Variants in CFAP100 observed in about 807,000 individuals in gnomAD.
CFAP100 encodes the protein cilia and flagella associated protein 100.
Under a neutral mutation model 81.5 loss-of-function variants are expected in CFAP100, and 70 were observed. The ratio of observed to expected loss-of-function variants is 0.86; its 90% CI spans 0.71 to 1.05. CFAP100 has a LOEUF of 1.05. Among genes scored for constraint, CFAP100 ranks in the 50% least tolerant of loss-of-function variants. The probability of loss-of-function intolerance (pLI) is 0.00; values close to 1 mark genes in which losing one functional copy is unlikely to be tolerated. For missense variants in CFAP100, 811 were observed against 776.5 expected, an observed-to-expected ratio of 1.04 and a Z score of -0.53; for synonymous variants, 341 against 314.8, an observed-to-expected ratio of 1.08 and a Z score of -0.88.
intron 2 of CFAP100, among the ~76,000 whole-genome samples, chr3:126,405,472 G>A (rs987347081): frequency 1.5e-4 from 23 of 152,122 alleles, no homozygotes; most frequent in South Asian, 4.1e-4. Flanking sequence ...AGACCAGCCC[G>A]GCCAACATAG....
chr3:126,432,955 TC>T (rs1205676767), intron 13 of CFAP100, 113 bp from the exon 14 acceptor site: 4 of 1,230,828 alleles, frequency 3.2e-6, no homozygotes, highest in Non-Finnish European at 4.4e-6. Context: ...CCATGATCCT[TC>T]AGCCCTCAGG....
intron 2 of CFAP100, among the ~76,000 whole-genome samples, chr3:126,400,363 T>C (rs779798971): frequency 1.3e-4 from 20 of 152,114 alleles, no homozygotes; most frequent in Non-Finnish European, 2.5e-4. Flanking sequence ...TATCAAAAAA[T>C]ACAAACAAAA....
At chr3:126,431,151 G>C (rs547130520) in intron 13 of CFAP100, among the ~76,000 whole-genome samples, 23 of 152,200 alleles carry the variant, frequency 1.5e-4, no homozygotes, top group African/African-American at 5.3e-4. Context: ...CTACTGCCAG[G>C]GTCCAAGGTG....
intron 4 of CFAP100, 175 bp downstream of exon 4, chr3:126,414,354 A>G: frequency 2.8e-6 from 2 of 704,860 alleles, no homozygotes; most frequent in Non-Finnish European, 5.2e-6. Flanking sequence ...CCTGGCTCTC[A>G]GGACTCACAG....
At chr3:126,397,419 G>A (rs1253746207) in intron 2 of CFAP100, among the ~76,000 whole-genome samples, 3 of 152,188 alleles carry the variant, frequency 2.0e-5, no homozygotes. Context: ...AGATGGCTTT[G>A]AAATGTTTAT....
At chr3:126,416,774 G>A in intron 5 of CFAP100, 1 of 377,664 alleles carries the variant, frequency 2.6e-6, no homozygotes, top group Non-Finnish European at 4.7e-6. Context: ...GGCTTCAGTT[G>A]CCGGAGCTGA....
At chr3:126,416,988 A>G (rs1197082195) in intron 5 of CFAP100, 2 of 152,444 alleles carry the variant, frequency 1.3e-5, no homozygotes, top group East Asian at 3.9e-4. Context: ...GGGTTCAGGC[A>G]TCCCCTGGGG....
chr3:126,395,700 C>T (rs1187675153), intron 1 of CFAP100, among the ~76,000 whole-genome samples: 1 of 152,062 alleles, frequency 6.6e-6, no homozygotes, highest in Non-Finnish European at 1.5e-5. Context: ...TATTTTTTGG[C>T]CGAGGAGGCC....
At chr3:126,411,207 G>T (rs572932830) in intron 3 of CFAP100, among the ~76,000 whole-genome samples, 20 of 152,278 alleles carry the variant, frequency 1.3e-4, no homozygotes, top group African/African-American at 4.6e-4. Flanking sequence ...TGTGTATGCT[G>T]AACCATCCCT....
intron 3 of CFAP100, among the ~76,000 whole-genome samples, chr3:126,410,006 G>A (rs2083129777): frequency 6.6e-6 from 1 of 152,164 alleles, no homozygotes; most frequent in Non-Finnish European, 1.5e-5. Context: ...TTCGAGACCA[G>A]CCTGAACAAT....
At position 126,414,132 on chromosome 3, in the gene CFAP100, G is replaced by A; in HGVS notation, c.178G>A (p.Val60Met). The change falls in exon 4 of 17, where the codon GTG becomes ATG. Residue 60 changes from valine to methionine, a missense_variant. By Grantham distance (21) the Val-to-Met change is conservative. Transcript: ENST00000352312. ...SANPFHLSGD[V>M]DFFLLRDQER... ...GAACCCTTTCCACTTATCTGGGGATGTGGATTTCTTCTTGCTCAGAGATCA... is the reference window on the plus strand; with the variant it reads ...GAACCCTTTCCACTTATCTGGGGATATGGATTTCTTCTTGCTCAGAGATCA... The A allele has an allele frequency of 6.2e-7, 1 of 1,614,186 alleles. No individual in the cohort carries two copies. Among genetic ancestry groups the A allele is most frequent in the Non-Finnish European group, 8.5e-7 (1 of 1,180,008 alleles).
intron 13 of CFAP100, among the ~76,000 whole-genome samples, chr3:126,429,704 A>G (rs1933128848): frequency 6.6e-6 from 1 of 151,530 alleles, no homozygotes. Flanking sequence ...ATTTACTTCA[A>G]TTGCATACAG....
intron 4 of CFAP100, among the ~76,000 whole-genome samples, chr3:126,415,749 A>T (rs1483900101): frequency 6.6e-6 from 1 of 151,902 alleles, no homozygotes; most frequent in East Asian, 1.9e-4. Flanking sequence ...AGCAAGAGGG[A>T]CACGGGGCGG....
intron 2 of CFAP100, among the ~76,000 whole-genome samples, chr3:126,405,590 G>A (rs1240610509): frequency 1.3e-5 from 2 of 152,162 alleles, no homozygotes; most frequent in African/African-American, 4.8e-5. Flanking sequence ...TTGAACCTGG[G>A]AGGTAGAGGT....
intron 13 of CFAP100, among the ~76,000 whole-genome samples, chr3:126,427,572 C>T (rs1003879260): frequency 6.6e-6 from 1 of 152,142 alleles, no homozygotes; most frequent in African/African-American, 2.4e-5. Flanking sequence ...TGGGTAAATA[C>T]TAGAAAGCAC....
At position 126,432,842 on chromosome 3, in the gene CFAP100, A is replaced by G. The variant is rs150974518; in HGVS notation, c.1287-227A>G. ...TTTATTGTCTGTGAATTATGCCTCA[A>G]TGAAGCTGTTTATTTTCTTTAATGT... On this transcript the variant is annotated intron_variant, in intron 13 of 16. Coordinates refer to ENST00000352312, the MANE Select transcript of CFAP100 (RefSeq NM_182628.3). The G allele has an allele frequency of 5.6e-4, 232 of 416,834 alleles. 1 individual carries two copies. The highest frequency in any genetic ancestry group is 4.2e-3 in the African/African-American group (211 of 49,946). 25.8% of individuals were successfully genotyped at this position (416,834 alleles called of 1,614,324 possible). A position where few individuals can be genotyped will look rare whatever the true frequency, so the allele number is the denominator to read the frequency against.
chr3:126,426,225 G>A (rs2083401807), intron 13 of CFAP100, among the ~76,000 whole-genome samples: 1 of 152,178 alleles, frequency 6.6e-6, no homozygotes. Context: ...CACTTTGGCA[G>A]GCCAAGGCAG....
chr3:126,399,401 T>C (rs111924259), intron 2 of CFAP100, among the ~76,000 whole-genome samples: 3 of 152,104 alleles, frequency 2.0e-5, no homozygotes, highest in African/African-American at 7.2e-5. Context: ...GCCAGAGTCA[T>C]TAGGCAAGAA....
chr3:126,404,776 G>A (rs2083037759), intron 2 of CFAP100, among the ~76,000 whole-genome samples: 3 of 152,142 alleles, frequency 2.0e-5, no homozygotes, highest in African/African-American at 2.4e-5. Context: ...CTGGGTTCAA[G>A]CGATTCTCCT....
Sources: allele counts gnomAD v4.1 joint callset (sites outside exome capture counted in the v4.1 genomes callset), GRCh38; gene constraint gnomAD v4.1.1; transcripts MANE v1.5; gene names NCBI Gene and HGNC (gene_info 2026-07-23, HGNC 2026-07-21).